The following NAA15 variants were observed in gnomAD, a reference collection of about 807,000 sequenced individuals.
NAA15 encodes the protein N-terminal acetyltransferase.
NAA15 carries 34 observed loss-of-function variants against 114.0 expected under a neutral mutation model. The ratio of observed to expected loss-of-function variants is 0.30; its 90% CI spans 0.23 to 0.40. NAA15 has a LOEUF of 0.40. Among genes scored for constraint, NAA15 ranks in the 10% least tolerant of loss-of-function variants. The pLI is 1.00. For synonymous variants in NAA15, 340 were observed against 338.0 expected (o/e 1.01, Z -0.06); for missense variants, 658 against 1,004.5 (o/e 0.66, Z 4.66).
At chr4:139,310,508 A>G (rs1746187982) in intron 1 of NAA15, among the ~76,000 whole-genome samples, 1 of 151,412 alleles carries the variant, frequency 6.6e-6, no homozygotes, top group Non-Finnish European at 1.5e-5. Flanking sequence ...ATAAAGGATC[A>G]TATGCAAAGG....
At chr4:139,321,810 T>G (rs11726301) in intron 1 of NAA15, among the ~76,000 whole-genome samples, 1 of 152,046 alleles carries the variant, frequency 6.6e-6, no homozygotes, top group Non-Finnish European at 1.5e-5. Flanking sequence ...GTTGCCTTTG[T>G]GTTTTGCTTT....
chr4:139,356,935 AT>A (rs10712284), intron 10 of NAA15, among the ~76,000 whole-genome samples: 150,328 of 151,754 alleles, frequency 0.99, 74,461 homozygotes, highest in Middle Eastern at 1. Context: ...TTACAAGTAT[AT>A]TTTATAACAG....
intron 15 of NAA15, among the ~76,000 whole-genome samples, chr4:139,371,772 C>T (rs1193326793): frequency 6.6e-6 from 1 of 152,112 alleles, no homozygotes; most frequent in African/African-American, 2.4e-5. Flanking sequence ...TATGCCCCCA[C>T]TTTCTTTATT....
At chr4:139,315,452 A>T (rs1328398236) in intron 1 of NAA15, among the ~76,000 whole-genome samples, 1 of 150,868 alleles carries the variant, frequency 6.6e-6, no homozygotes, top group Non-Finnish European at 1.5e-5. Context: ...TGGCAGGTCC[A>T]GGCTTCAGTG....
chr4:139,382,728 TAGAGGTTAA>T (rs1433669895), intron 17 of NAA15, among the ~76,000 whole-genome samples: 1 of 152,200 alleles, frequency 6.6e-6, no homozygotes, highest in African/African-American at 2.4e-5. Context: ...ACAGCCATAG[TAGAGGTTAA>T]ACTAAAGTAT....
chr4:139,355,379 C>T (rs1362607362), intron 10 of NAA15, among the ~76,000 whole-genome samples: 1 of 151,832 alleles, frequency 6.6e-6, no homozygotes, highest in Non-Finnish European at 1.5e-5. Flanking sequence ...CCTTTTCCTG[C>T]AATTTATTTG....
At chr4:139,384,434 C>T (rs769394849) in intron 17 of NAA15, among the ~76,000 whole-genome samples, 6 of 151,958 alleles carry the variant, frequency 3.9e-5, no homozygotes, top group African/African-American at 7.3e-5. Flanking sequence ...GCCATGATTG[C>T]GCCACTGTAC....
At chr4:139,343,034 A>G in intron 5 of NAA15, 74 bp downstream of exon 5, 3 of 1,359,800 alleles carry the variant, frequency 2.2e-6, no homozygotes, top group East Asian at 4.8e-5. Context: ...AGTCTGGCTT[A>G]CTTTTAATTT....
intron 1 of NAA15, among the ~76,000 whole-genome samples, chr4:139,324,545 G>A (rs1273690444): frequency 6.6e-6 from 1 of 152,222 alleles, no homozygotes; most frequent in Non-Finnish European, 1.5e-5. Flanking sequence ...CCTGTTTTAA[G>A]TGAATTGAAT....
chr4:139,317,470 A>G (rs948896959), intron 1 of NAA15, among the ~76,000 whole-genome samples: 2 of 152,160 alleles, frequency 1.3e-5, no homozygotes, highest in African/African-American at 2.4e-5. Flanking sequence ...AGAATACAAA[A>G]ATTAGCTGGG....
At chr4:139,308,553 T>C (rs2110827320) in intron 1 of NAA15, among the ~76,000 whole-genome samples, 1 of 152,308 alleles carries the variant, frequency 6.6e-6, no homozygotes, top group African/African-American at 2.4e-5. Flanking sequence ...GGAAACAAAG[T>C]TTGGTCTGTT....
intron 6 of NAA15, among the ~76,000 whole-genome samples, chr4:139,347,036 A>G (rs934682567): frequency 6.8e-6 from 1 of 146,484 alleles, no homozygotes; most frequent in African/African-American, 2.5e-5. Flanking sequence ...CCCCACCCCC[A>G]GCCTCCCACT....
chr4:139,385,308 T>TATATTATATATATATATATATAATA (rs1489273737), intron 18 of NAA15, among the ~76,000 whole-genome samples: 1 of 91,864 alleles, frequency 1.1e-5, no homozygotes, highest in African/African-American at 3.9e-5. Context: ...ATAATATATA[T>TATATTATATATATATATATATAATA]TATATATATA....
chr4:139,341,763 C>T (rs1747404771), intron 4 of NAA15, among the ~76,000 whole-genome samples: 1 of 151,056 alleles, frequency 6.6e-6, no homozygotes, highest in South Asian at 2.1e-4. Flanking sequence ...ACTCTGTTGC[C>T]CAGGCTGGAG....
chr4:139,301,757 G>A lies in NAA15; in HGVS notation c.-21G>A. 1.3e-6 allele frequency: 2 copies of A among 1,559,846 alleles called. No homozygotes were observed. Among genetic ancestry groups the A allele is most frequent in the South Asian group, 2.3e-5 (2 of 85,204 alleles). Reference sequence around the variant, plus strand: ...CTGACCGAGCCGGGTGGTGGCGGGAGCAGCGGGAGCAGCCGGAACGATGCC... The same window carrying A: ...CTGACCGAGCCGGGTGGTGGCGGGAACAGCGGGAGCAGCCGGAACGATGCC... On this transcript the variant is annotated 5_prime_UTR_variant, in exon 1 of 20. Transcript: ENST00000296543.
chr4:139,344,249 C>G lies in NAA15; in HGVS notation c.601C>G (p.Arg201Gly). The G allele has an allele frequency of 6.2e-7, 1 of 1,612,870 alleles. No homozygotes were observed. The highest frequency in any genetic ancestry group is 8.5e-7 in the Non-Finnish European group (1 of 1,179,248). The change falls in exon 6 of 20, where the codon CGG (arginine) becomes GGG (glycine). Residue 201 changes from arginine (R) to glycine (G), a missense_variant. Transcript: ENST00000296543. ...ELLLYQNQVLREAGLYREALE... is the reference protein window; with the variant it reads ...ELLLYQNQVLGEAGLYREALE... ...ACTCTTATATCAGAATCAAGTTCTT[C>G]GGGAAGCAGGTCTCTATAGAGAAGC...
At chr4:139,385,428 A>G (rs1748886628) in intron 18 of NAA15, among the ~76,000 whole-genome samples, 1 of 151,260 alleles carries the variant, frequency 6.6e-6, no homozygotes, top group South Asian at 2.1e-4. Context: ...AGGTGTAACT[A>G]AACTTAAATG....
intron 1 of NAA15, among the ~76,000 whole-genome samples, chr4:139,316,816 T>C (rs1746424170): frequency 6.6e-6 from 1 of 151,798 alleles, no homozygotes. Flanking sequence ...CAGTGAAATG[T>C]AGTTTTAAAA....
chr4:139,342,132 A>G (rs548895547), intron 4 of NAA15, among the ~76,000 whole-genome samples: 1 of 152,212 alleles, frequency 6.6e-6, no homozygotes, highest in Non-Finnish European at 1.5e-5. Flanking sequence ...CCTCTTTCAT[A>G]TTCTTTCCTC....
Sources: gnomAD v4.1 joint callset for allele counts (sites outside exome capture counted in the v4.1 genomes callset) on GRCh38, gnomAD v4.1.1 for gene constraint, MANE v1.5 for transcripts, NCBI Gene and HGNC (gene_info 2026-07-23, HGNC 2026-07-21) for gene names.